TRIM22: variants seen among roughly 807,000 people sequenced by gnomAD.
The protein encoded by TRIM22 is E3 ubiquitin-protein ligase TRIM22.
Under a neutral mutation model 53.6 loss-of-function variants are expected in TRIM22, and 45 were observed. The ratio of observed to expected loss-of-function variants is 0.84; its 90% CI spans 0.66 to 1.08. The LOEUF (loss-of-function observed/expected upper bound fraction) is 1.08. Ranked by LOEUF, TRIM22 falls within the 50% of genes least tolerant of loss-of-function variation. The pLI is 0.00. For missense variants in TRIM22, 616 were observed against 590.9 expected (o/e 1.04, Z -0.44); for synonymous variants, 225 against 216.6 (o/e 1.04, Z -0.34).
intron 4 of TRIM22, among the ~76,000 whole-genome samples, chr11:5,700,796 G>C (rs2133260): frequency 0.57 from 86,456 of 151,184 alleles, 24,886 homozygotes; most frequent in Admixed American, 0.63. Context: ...GCTAATTTTT[G>C]TATTTTTAAT....
At chr11:5,699,678 A>G (rs1287484301) in intron 4 of TRIM22, among the ~76,000 whole-genome samples, 1 of 151,206 alleles carries the variant, frequency 6.6e-6, no homozygotes, top group East Asian at 1.9e-4. Context: ...AAGCAATATA[A>G]AAAGTTTCTA....
At chr11:5,705,461 G>C (rs1853444186) in intron 4 of TRIM22, among the ~76,000 whole-genome samples, 1 of 152,086 alleles carries the variant, frequency 6.6e-6, no homozygotes, top group Non-Finnish European at 1.5e-5. Context: ...CCTTGAATTT[G>C]TTTTTTAAAA....
chr11:5,700,723 C>T (rs1435635813), intron 4 of TRIM22, among the ~76,000 whole-genome samples: 1 of 150,948 alleles, frequency 6.6e-6, no homozygotes, highest in East Asian at 2.0e-4. Flanking sequence ...CAAACTCTGC[C>T]TCCCGGGTTC....
chr11:5,708,060 G>C, intron 5 of TRIM22, 113 bp from the exon 6 acceptor site: 1 of 800,696 alleles, frequency 1.2e-6, no homozygotes, highest in Non-Finnish European at 2.1e-6. Flanking sequence ...CTGTCCTCAG[G>C]GAAGAGGGTC....
At position 5,709,193 on chromosome 11, in the gene TRIM22, C is replaced by A; in HGVS notation, c.1042C>A (p.Gln348Lys). The A allele has an allele frequency of 6.2e-7, 1 of 1,614,134 alleles. No individual in the cohort carries two copies. The highest frequency in any genetic ancestry group is 8.5e-7 in the Non-Finnish European group (1 of 1,180,034). The change falls in exon 8 of 8, where the codon CAA (glutamine) becomes AAA (lysine). Residue 348 changes from glutamine (Q) to lysine (K), a missense_variant. Gln to Lys is a moderately conservative substitution (Grantham distance 53, BLOSUM62 1). Transcript: ENST00000379965. ...TTCTGCTTTTGGTGTCTTCGGCTGC[C>A]AATATTTCTCTTCGGGGAAATATTA... ...DFSAFGVFGC[Q>K]YFSSGKYYWE...
At chr11:5,699,094 T>C (rs1041965798) in intron 4 of TRIM22, among the ~76,000 whole-genome samples, 4 of 152,260 alleles carry the variant, frequency 2.6e-5, no homozygotes, top group Non-Finnish European at 2.9e-5. Flanking sequence ...TATCATATTA[T>C]GTTTATGTAT....
intron 1 of TRIM22, among the ~76,000 whole-genome samples, chr11:5,695,262 T>A (rs1178793442): frequency 6.6e-6 from 1 of 152,218 alleles, no homozygotes; most frequent in East Asian, 1.9e-4. Context: ...AGAGGACTTC[T>A]AAGAGGAGAC....
Position 5,709,715 on chromosome 11 carries a change from A to T in TRIM22, c.*67A>T. On this transcript the variant is annotated 3_prime_UTR_variant, in exon 8 of 8. Coordinates refer to ENST00000379965, the MANE Select transcript of TRIM22 (RefSeq NM_006074.5). Reference sequence around the variant, plus strand: ...TGCTGAGACTCAGATTCTGCACCTGAGTTCATCTCTACTGAGACCATCTCT... The same window carrying T: ...TGCTGAGACTCAGATTCTGCACCTGTGTTCATCTCTACTGAGACCATCTCT... The T allele has an allele frequency of 7.5e-7, 1 of 1,339,852 alleles. No homozygotes were observed. Among genetic ancestry groups the T allele is most frequent in the Non-Finnish European group, 1.0e-6 (1 of 966,252 alleles). 83.0% of individuals were successfully genotyped at this position (1,339,852 alleles called of 1,614,324 possible).
rs1853283983 is a variant in TRIM22 at position 5,697,362 on chromosome 11, T to C, written c.519+19T>C. The C allele has an allele frequency of 1.3e-6, 2 of 1,585,574 alleles. No individual in the cohort carries two copies. ...CTGGAAGGCAGGAGGAGACACCTCC[T>C]AAGGGATAATTAGACAGGAATCTGG... On this transcript the variant is annotated intron_variant, in intron 3 of 7. Transcript: ENST00000379965.
rs375467410 is a variant in TRIM22 at position 5,710,721 on chromosome 11, A to C, written c.*1073A>C. On this transcript the variant is annotated 3_prime_UTR_variant, in exon 8 of 8. Transcript: ENST00000379965. ...AACAAACTTTTATTAAATGTAAGGC[A>C]CTTTTCTATGAATTTTAAATATAAA... is the stretch of plus-strand genomic sequence containing the variant. 12 of 152,300 alleles carry C rather than the reference A, an allele frequency of 7.9e-5. No individual in the cohort carries two copies. In the East Asian group the frequency reaches 1.3e-3, roughly 17 times the overall value. The allele number at this position is 152,300 out of a possible 1,614,324, so 9.4% of individuals were successfully genotyped here. A position where few individuals can be genotyped will look rare whatever the true frequency, so the allele number is the denominator to read the frequency against.
intron 4 of TRIM22, 65 bp from the exon 5 acceptor site, chr11:5,706,529 T>C: frequency 2.6e-6 from 4 of 1,530,426 alleles, no homozygotes; most frequent in Non-Finnish European, 3.6e-6. Flanking sequence ...CTAATTGAAC[T>C]AGCCACTTTT....
intron 4 of TRIM22, among the ~76,000 whole-genome samples, chr11:5,703,681 G>A (rs530670796): frequency 0.022 from 1,817 of 80,774 alleles, 11 homozygotes; most frequent in Middle Eastern, 0.035. Context: ...CACCGCGCCC[G>A]GAAATTTTAT....
At chr11:5,706,479 G>A in intron 4 of TRIM22, 115 bp from the exon 5 acceptor site, 5 of 791,456 alleles carry the variant, frequency 6.3e-6, no homozygotes, top group Non-Finnish European at 1.0e-5. Flanking sequence ...TATTATAAGG[G>A]TCATATATAT....
chr11:5,696,543 T>G lies in TRIM22; in HGVS notation c.311T>G (p.Leu104Arg). 1 of 1,614,192 alleles carries G rather than the reference T, an allele frequency of 6.2e-7. No homozygotes were observed. The highest frequency in any genetic ancestry group is 8.5e-7 in the Non-Finnish European group (1 of 1,180,038). ...GTCTGTGAGCACCATGGAAAAAAAC[T>G]CCAGATCTTCTGTAAGGAGGATGGA... ...RDVCEHHGKK[L>R]QIFCKEDGKV... The change falls in exon 2 of 8, where the codon CTC (leucine) becomes CGC (arginine). Residue 104 changes from leucine (L) to arginine (R), a missense_variant. Coordinates refer to ENST00000379965, the MANE Select transcript of TRIM22 (RefSeq NM_006074.5).
chr11:5,692,066 A>G (rs961488484), intron 1 of TRIM22, among the ~76,000 whole-genome samples: 1 of 152,242 alleles, frequency 6.6e-6, no homozygotes, highest in Non-Finnish European at 1.5e-5. Flanking sequence ...AATCAACATT[A>G]AATACCGGTA....
chr11:5,710,785 C>T lies in TRIM22; in HGVS notation c.*1137C>T, dbSNP rs1853548200. 1 of 152,120 alleles carries T rather than the reference C, an allele frequency of 6.6e-6. No individual in the cohort carries two copies. The highest frequency in any genetic ancestry group is 2.4e-5 in the African/African-American group (1 of 41,434). 9.4% of individuals were successfully genotyped at this position (152,120 alleles called of 1,614,324 possible). On this transcript the variant is annotated 3_prime_UTR_variant, in exon 8 of 8. Coordinates refer to ENST00000379965, the MANE Select transcript of TRIM22 (RefSeq NM_006074.5). ...CTGATTATTACTGAAAAGATGTCAG[C>T]CATTTCAATGTCTTGGGAAACAATT...
intron 1 of TRIM22, among the ~76,000 whole-genome samples, chr11:5,693,233 A>C (rs931189861): frequency 1.3e-5 from 2 of 149,056 alleles, no homozygotes; most frequent in South Asian, 2.1e-4. Flanking sequence ...CAGATAAAGA[A>C]AGCTTCTGTG....
chr11:5,698,911 T>C (rs1259177565), intron 4 of TRIM22, among the ~76,000 whole-genome samples: 1 of 152,244 alleles, frequency 6.6e-6, no homozygotes, highest in East Asian at 1.9e-4. Context: ...CTATCTGTTT[T>C]CTGTCTGTAT....
chr11:5,700,334 C>G (rs978052320), intron 4 of TRIM22, among the ~76,000 whole-genome samples: 2 of 151,990 alleles, frequency 1.3e-5, no homozygotes, highest in African/African-American at 2.4e-5. Flanking sequence ...AGGCTGGTCT[C>G]GAACTCTTGA....
Sources: gnomAD v4.1 joint callset for allele counts (sites outside exome capture counted in the v4.1 genomes callset) on GRCh38, gnomAD v4.1.1 for gene constraint, MANE v1.5 for transcripts, NCBI Gene and HGNC (gene_info 2026-07-23, HGNC 2026-07-21) for gene names.